ARHGAP15: variants seen among roughly 807,000 people sequenced by gnomAD.
The protein encoded by ARHGAP15 is Rho GTPase activating protein 15, also known as rho GTPase-activating protein 15.
In ARHGAP15, 51 loss-of-function variants were observed where a neutral mutation model predicts 63.7. That is an observed-to-expected ratio of 0.80 (90% CI 0.64 to 1.01). The LOEUF (loss-of-function observed/expected upper bound fraction) is 1.01, where lower values mean the gene tolerates loss of function less well. Ranked by LOEUF, ARHGAP15 falls within the 50% of genes least tolerant of loss-of-function variation. ARHGAP15 has a pLI of 0.00. For synonymous variants in ARHGAP15, 191 were observed against 193.8 expected (o/e 0.99, Z 0.12); for missense variants, 560 against 564.6 (o/e 0.99, Z 0.08).
intron 3 of ARHGAP15, among the ~76,000 whole-genome samples, chr2:143,210,245 G>C (rs1382686217): frequency 6.6e-6 from 1 of 152,032 alleles, no homozygotes; most frequent in African/African-American, 2.4e-5. Flanking sequence ...TATAGTAAAA[G>C]CCTCCAGAAG....
At chr2:143,541,269 T>C (rs1392612350) in intron 10 of ARHGAP15, among the ~76,000 whole-genome samples, 1 of 152,188 alleles carries the variant, frequency 6.6e-6, no homozygotes, top group African/African-American at 2.4e-5. Context: ...ATTCTAGTTA[T>C]CCATTCGTCT....
intron 13 of ARHGAP15, among the ~76,000 whole-genome samples, chr2:143,715,636 C>A (rs1574880239): frequency 6.6e-6 from 1 of 152,298 alleles, no homozygotes; most frequent in East Asian, 1.9e-4. Flanking sequence ...TTGTCAGATG[C>A]AGAGATTGCA....
chr2:143,760,135 TA>T, intron 13 of ARHGAP15, among the ~76,000 whole-genome samples: 1 of 152,292 alleles, frequency 6.6e-6, no homozygotes, highest in Non-Finnish European at 1.5e-5. Context: ...AAACACATAG[TA>T]AGTACGCAAT....
intron 8 of ARHGAP15, among the ~76,000 whole-genome samples, chr2:143,445,163 T>TTTA (rs930048483): frequency 1.5e-5 from 2 of 130,048 alleles, no homozygotes; most frequent in African/African-American, 5.9e-5. Flanking sequence ...ATTTTTTTTT[T>TTTA]TTTTTTTTTT....
intron 2 of ARHGAP15, among the ~76,000 whole-genome samples, chr2:143,162,649 C>T (rs928563346): frequency 5.3e-5 from 8 of 152,176 alleles, no homozygotes; most frequent in South Asian, 4.1e-4. Context: ...TTACCTAATA[C>T]GCTGTGTGCC....
intron 6 of ARHGAP15, among the ~76,000 whole-genome samples, chr2:143,279,261 A>C (rs1417826490): frequency 6.6e-6 from 1 of 152,128 alleles, no homozygotes; most frequent in Non-Finnish European, 1.5e-5. Context: ...TGTGGATTTT[A>C]ATTCATCATG....
chr2:143,309,613 A>G (rs1017193443), intron 6 of ARHGAP15, among the ~76,000 whole-genome samples: 2 of 152,056 alleles, frequency 1.3e-5, no homozygotes, highest in Admixed American at 6.6e-5. Flanking sequence ...CAAATACTTG[A>G]TATTTATCAA....
At chr2:143,260,950 G>A (rs959295206) in intron 6 of ARHGAP15, among the ~76,000 whole-genome samples, 4 of 152,018 alleles carry the variant, frequency 2.6e-5, no homozygotes, top group Non-Finnish European at 5.9e-5. Context: ...TTATATCCCT[G>A]TCTCTTTCAT....
chr2:143,603,866 A>G (rs1559075287), intron 11 of ARHGAP15, among the ~76,000 whole-genome samples: 2 of 152,202 alleles, frequency 1.3e-5, no homozygotes, highest in African/African-American at 4.8e-5. Context: ...AGAAATTCTA[A>G]AAGAAGAAGA....
chr2:143,607,490 T>G (rs1698082717), intron 11 of ARHGAP15: 1 of 152,146 alleles, frequency 6.6e-6, no homozygotes, highest in Non-Finnish European at 1.5e-5. Flanking sequence ...CTGTTTCATT[T>G]TAATTGCTCC....
intron 8 of ARHGAP15, 154 bp downstream of exon 8, chr2:143,437,196 G>T: frequency 2.6e-6 from 2 of 776,070 alleles, no homozygotes; most frequent in Non-Finnish European, 4.0e-6. Context: ...CTGGAGGGCA[G>T]TCTGGGCACT....
At chr2:143,213,763 A>G (rs1023322121) in intron 3 of ARHGAP15, among the ~76,000 whole-genome samples, 10 of 152,222 alleles carry the variant, frequency 6.6e-5, no homozygotes, top group Non-Finnish European at 1.5e-5. Context: ...CTAACTTGCT[A>G]TTCAGTCCGT....
At chr2:143,553,782 A>G (rs1043501745) in intron 10 of ARHGAP15, among the ~76,000 whole-genome samples, 1 of 152,190 alleles carries the variant, frequency 6.6e-6, no homozygotes, top group African/African-American at 2.4e-5. Flanking sequence ...GTAACACTCT[A>G]AGAGAAAAAA....
rs138771049 is a variant in ARHGAP15, at chr2:143,181,221, T to G, written c.166-20913T>G. ...AGTCATGCTGTAAACTGATGTGCTG[T>G]CATCCAGGCTTTGTTGTTCCATTTA... On this transcript the variant is annotated intron_variant, in intron 2 of 13. Transcript: ENST00000295095. Among the ~76,000 whole-genome samples, 224 of 152,328 alleles carry G rather than the reference T, an allele frequency of 1.5e-3. 1 individual carries two copies. The highest frequency in any genetic ancestry group is 2.8e-3 in the Non-Finnish European group (189 of 68,030).
chr2:143,646,973 T>C (rs1401730239), intron 12 of ARHGAP15, among the ~76,000 whole-genome samples: 2 of 152,016 alleles, frequency 1.3e-5, no homozygotes, highest in Non-Finnish European at 2.9e-5. Context: ...ACCCACATAC[T>C]CTTTTGCTTT....
intron 6 of ARHGAP15, among the ~76,000 whole-genome samples, chr2:143,330,230 A>G (rs1281217071): frequency 1.3e-5 from 2 of 151,174 alleles, no homozygotes; most frequent in Non-Finnish European, 2.9e-5. Context: ...AAGACAGAAG[A>G]GTTTAAGTGA....
At chr2:143,631,050 C>T (rs1221916972) in intron 12 of ARHGAP15, among the ~76,000 whole-genome samples, 2 of 152,040 alleles carry the variant, frequency 1.3e-5, no homozygotes, top group Non-Finnish European at 2.9e-5. Context: ...GATACATTTA[C>T]ATTTTCTAGA....
rs150745758 is a variant in ARHGAP15, at chr2:143,449,956, A to G, written c.703+12914A>G. ...TTTGGACAGTAATGAGACAGGTCTG[A>G]AAGAGATGCCTTAAAATTTTAGTAG... On this transcript the variant is annotated intron_variant, in intron 8 of 13. Transcript: ENST00000295095. Among the ~76,000 whole-genome samples the G allele has an allele frequency of 3.9e-5, 6 of 152,118 alleles. No individual in the cohort carries two copies. In the East Asian group the frequency reaches 9.6e-4, roughly 24 times the overall value.
chr2:143,462,171 A>ATAGAC (rs1690975128), intron 8 of ARHGAP15, among the ~76,000 whole-genome samples: 1 of 152,162 alleles, frequency 6.6e-6, no homozygotes, highest in Non-Finnish European at 1.5e-5. Flanking sequence ...ATAAAATAAA[A>ATAGAC]TAGACTTATT....
Sources: allele counts gnomAD v4.1 joint callset (sites outside exome capture counted in the v4.1 genomes callset), GRCh38; gene constraint gnomAD v4.1.1; transcripts MANE v1.5; gene names NCBI Gene and HGNC (gene_info 2026-07-23, HGNC 2026-07-21).